The following WASHC4 variants were observed in gnomAD, a reference collection of about 807,000 sequenced individuals.
WASHC4 encodes WASH complex subunit 4, also known as WASH complex subunit 7.
A neutral mutation model predicts 166.6 loss-of-function variants in WASHC4; 86 were observed. The ratio of observed to expected loss-of-function variants is 0.52; its 90% CI spans 0.43 to 0.62. The LOEUF is 0.62. WASHC4 is among the 20% of genes least tolerant of loss of function. The pLI is 0.00. For synonymous variants in WASHC4, 446 were observed against 451.6 expected (o/e 0.99, Z 0.16); for missense variants, 1,262 against 1,382.4 (o/e 0.91, Z 1.38).
chr12:105,127,365 A>C, intron 13 of WASHC4, 76 bp downstream of exon 13: 1 of 1,008,238 alleles, frequency 9.9e-7, no homozygotes, highest in South Asian at 1.3e-5. Context: ...CACTTAATGT[A>C]TAGTACCATT....
chr12:105,109,888 A>G (rs1016020654), intron 1 of WASHC4, among the ~76,000 whole-genome samples: 1 of 152,146 alleles, frequency 6.6e-6, no homozygotes, highest in Non-Finnish European at 1.5e-5. Context: ...GGGGTGAGCC[A>G]CCATGCCCGG....
At chr12:105,116,396 A>G (rs567502427) in intron 6 of WASHC4, among the ~76,000 whole-genome samples, 9 of 152,122 alleles carry the variant, frequency 5.9e-5, no homozygotes, top group Non-Finnish European at 1.3e-4. Flanking sequence ...TTTTTGGTCT[A>G]ATTGATCTAA....
chr12:105,122,363 A>G, intron 10 of WASHC4, 125 bp downstream of exon 10: 1 of 967,876 alleles, frequency 1.0e-6, no homozygotes, highest in Non-Finnish European at 1.6e-6. Context: ...GCTTTGGCTT[A>G]AAATTATTGT....
At chr12:105,135,826 A>T (rs1196614659) in intron 14 of WASHC4, among the ~76,000 whole-genome samples, 15 of 152,148 alleles carry the variant, frequency 9.9e-5, no homozygotes, top group Admixed American at 9.8e-4. Flanking sequence ...ATTTTGAAGC[A>T]CATGTCTAAT....
intron 26 of WASHC4, among the ~76,000 whole-genome samples, chr12:105,154,777 A>G (rs544005867): frequency 6.6e-6 from 1 of 152,350 alleles, no homozygotes; most frequent in East Asian, 1.9e-4. Flanking sequence ...GCCTGGCTTC[A>G]GAGCTTTTAC....
intron 7 of WASHC4, among the ~76,000 whole-genome samples, chr12:105,119,879 C>T (rs1451448479): frequency 2.6e-5 from 4 of 152,142 alleles, no homozygotes; most frequent in Non-Finnish European, 5.9e-5. Context: ...GTAGTATGCA[C>T]TGTTTTTCAG....
At chr12:105,119,688 C>T (rs1006478230) in intron 7 of WASHC4, among the ~76,000 whole-genome samples, 1 of 152,094 alleles carries the variant, frequency 6.6e-6, no homozygotes, top group African/African-American at 2.4e-5. Flanking sequence ...CCTCATCCTA[C>T]CCCTGCCCTA....
intron 29 of WASHC4, among the ~76,000 whole-genome samples, chr12:105,161,402 G>C (rs1196875): frequency 3.9e-5 from 6 of 152,136 alleles, no homozygotes; most frequent in Non-Finnish European, 5.9e-5. Flanking sequence ...TGGAGGGAGA[G>C]TGTCATATTT....
At chr12:105,115,594 CT>C in intron 5 of WASHC4, 66 bp from the exon 6 acceptor site, 4 of 1,222,900 alleles carry the variant, frequency 3.3e-6, no homozygotes, top group Non-Finnish European at 4.8e-6. Flanking sequence ...ACTTTTCCCC[CT>C]TTTTTGGTAT....
intron 6 of WASHC4, among the ~76,000 whole-genome samples, chr12:105,116,404 T>C (rs1880185741): frequency 6.6e-6 from 1 of 152,178 alleles, no homozygotes; most frequent in Admixed American, 6.5e-5. Context: ...CTAATTGATC[T>C]AATTGAGAGC....
At chr12:105,156,916 T>C in intron 27 of WASHC4, 124 bp downstream of exon 27, 2 of 800,018 alleles carry the variant, frequency 2.5e-6, no homozygotes, top group South Asian at 2.9e-5. Context: ...AGATAAAATA[T>C]GGAAGAAAAC....
At chr12:105,151,492 T>G (rs1316879823) in intron 25 of WASHC4, among the ~76,000 whole-genome samples, 2 of 152,152 alleles carry the variant, frequency 1.3e-5, no homozygotes, top group African/African-American at 4.8e-5. Context: ...TAACTCTTTT[T>G]TTTTTTTGAG....
intron 8 of WASHC4, 150 bp from the exon 9 acceptor site, chr12:105,120,951 C>G (rs1179894691): frequency 7.6e-6 from 5 of 660,764 alleles, no homozygotes; most frequent in Non-Finnish European, 1.3e-5. Flanking sequence ...ATAGTCCTTT[C>G]TGAGGATCCA....
intron 9 of WASHC4, among the ~76,000 whole-genome samples, chr12:105,121,745 A>G (rs1191227345): frequency 1.3e-5 from 2 of 152,154 alleles, no homozygotes; most frequent in Non-Finnish European, 2.9e-5. Context: ...TGACCTCATG[A>G]TCCGCCCGCC....
intron 2 of WASHC4, among the ~76,000 whole-genome samples, chr12:105,113,752 C>T (rs757033992): frequency 6.6e-6 from 1 of 151,948 alleles, no homozygotes; most frequent in Non-Finnish European, 1.5e-5. Context: ...ACTCCACATA[C>T]TATTTTAAGT....
intron 22 of WASHC4, 68 bp downstream of exon 22, chr12:105,144,940 C>CT: frequency 6.8e-7 from 1 of 1,460,962 alleles, no homozygotes; most frequent in Non-Finnish European, 9.5e-7. Flanking sequence ...TTAAGGAAGT[C>CT]TTTTTTCTTT....
At chr12:105,143,635 T>G (rs1883048204) in intron 20 of WASHC4, among the ~76,000 whole-genome samples, 1 of 151,990 alleles carries the variant, frequency 6.6e-6, no homozygotes. Flanking sequence ...TTTAAAAGAT[T>G]TAGTGTGTAA....
At chr12:105,146,999 T>C (rs766472918) in intron 23 of WASHC4, 43 bp from the exon 24 acceptor site, 2 of 1,064,482 alleles carry the variant, frequency 1.9e-6, no homozygotes, top group Non-Finnish European at 2.9e-6. Context: ...CAGTGTTTGC[T>C]ATGGGTTGCG....
At position 105,144,377 on chromosome 12, in the gene WASHC4, A is replaced by G. The variant is rs750116124; in HGVS notation, c.2101A>G (p.Lys701Glu). Residue 701 changes from lysine to glutamate, a missense_variant, in exon 21 of 33, where the codon AAA (lysine) becomes GAA (glutamate). Physicochemically the swap from Lys to Glu is moderately conservative, Grantham distance 56 (BLOSUM62 1). Transcript: ENST00000332180. Reference sequence around the variant, plus strand: ...AAAGCTGGATGACCGAAACCCTTTCAAAGTTGGCATGAAAGACCTGGCTCT... The same window carrying G: ...AAAGCTGGATGACCGAAACCCTTTCGAAGTTGGCATGAAAGACCTGGCTCT... ...HLKLDDRNPF[K>E]VGMKDLALFF... 2 of 1,613,608 alleles carry G rather than the reference A, an allele frequency of 1.2e-6. No homozygotes were observed. The highest frequency in any genetic ancestry group is 2.2e-5 in the South Asian group (2 of 91,060).
Sources: allele counts gnomAD v4.1 joint callset (sites outside exome capture counted in the v4.1 genomes callset), GRCh38; gene constraint gnomAD v4.1.1; transcripts MANE v1.5; gene names NCBI Gene and HGNC (gene_info 2026-07-23, HGNC 2026-07-21).